LYZL1: variants seen among roughly 807,000 people sequenced by gnomAD.
The protein encoded by LYZL1 is lysozyme-like protein 1.
A neutral mutation model predicts 17.9 loss-of-function variants in LYZL1; 16 were observed. That is an observed-to-expected ratio of 0.90 (90% confidence interval 0.61 to 1.36). The LOEUF (loss-of-function observed/expected upper bound fraction) is 1.36, where lower values mean the gene tolerates loss of function less well. LYZL1 is among the 40% of genes most tolerant of loss of function. The pLI is 0.00. For synonymous variants in LYZL1, 58 were observed against 71.8 expected, an observed-to-expected ratio of 0.81 and a Z score of 0.97; for missense variants, 149 against 188.4, an observed-to-expected ratio of 0.79 and a Z score of 1.22.
intron 4 of LYZL1, among the ~76,000 whole-genome samples, chr10:29,310,704 G>A (rs1198496634): frequency 1.3e-5 from 2 of 152,126 alleles, no homozygotes; most frequent in Non-Finnish European, 2.9e-5. Context: ...GTTGCCAGCC[G>A]GCCCCACTCA....
intron 2 of LYZL1, 120 bp downstream of exon 2, chr10:29,292,126 T>C (rs2479066): frequency 0.53 from 579,622 of 1,100,346 alleles, 139,348 homozygotes; most frequent in Non-Finnish European, 0.55. Context: ...CTCACCGCAC[T>C]CAGGGGTGGC....
intron 3 of LYZL1, among the ~76,000 whole-genome samples, chr10:29,296,593 T>C (rs1164913055): frequency 6.6e-6 from 1 of 152,174 alleles, no homozygotes; most frequent in Non-Finnish European, 1.5e-5. Flanking sequence ...CAACAATCTT[T>C]GAGGTTGAGA....
chr10:29,290,379 A>ATG (rs1268012917), intron 1 of LYZL1, among the ~76,000 whole-genome samples: 9 of 152,270 alleles, frequency 5.9e-5, no homozygotes, highest in East Asian at 1.9e-4. Flanking sequence ...ATGATTCCGC[A>ATG]GGGGTCTCTT....
Position 29,303,196 on chromosome 10 carries a change from C to A in LYZL1, c.299-6914C>A, listed in dbSNP as rs140417597. Among the ~76,000 whole-genome samples, 1,148 of 152,292 alleles carry A rather than the reference C, an allele frequency of 7.5e-3. 15 individuals carry two copies. Among genetic ancestry groups the A allele is most frequent in the African/African-American group, 0.026 (1,064 of 41,568 alleles). ...AATCCCTTTGCAGATTTCTGCTGCTCTTCTTCTGGGTAGCTCCTGCCTCCC... is the reference window on the plus strand; with the variant it reads ...AATCCCTTTGCAGATTTCTGCTGCTATTCTTCTGGGTAGCTCCTGCCTCCC... On this transcript the variant is annotated intron_variant, in intron 3 of 4. Transcript: ENST00000649382.
chr10:29,301,485 T>C (rs935922163), intron 3 of LYZL1, among the ~76,000 whole-genome samples: 5 of 152,196 alleles, frequency 3.3e-5, no homozygotes, highest in African/African-American at 1.2e-4. Flanking sequence ...GTAATCATGC[T>C]CAGCTTCAAA....
At chr10:29,318,029 C>A in intron 4 of LYZL1, 1 of 296,054 alleles carries the variant, frequency 3.4e-6, no homozygotes, top group African/African-American at 2.3e-5. Context: ...TCTAACAGGA[C>A]CTGCAGACAC....
At chr10:29,306,406 C>A (rs1302925513) in intron 3 of LYZL1, among the ~76,000 whole-genome samples, 2 of 146,936 alleles carry the variant, frequency 1.4e-5, no homozygotes, top group Non-Finnish European at 1.5e-5. Flanking sequence ...AAAAATTAGC[C>A]GGGCGTAGTG....
chr10:29,310,171 A>G lies in LYZL1; in HGVS notation c.360A>G (p.Thr120=), dbSNP rs772098398. 4 of 1,609,234 alleles carry G rather than the reference A, an allele frequency of 2.5e-6. No individual in the cohort carries two copies. The highest frequency in any genetic ancestry group is 2.7e-5 in the African/African-American group (2 of 74,950). Residue 120 remains threonine (T), a synonymous_variant, in exon 4 of 5, where the codon ACA becomes ACG. Coordinates refer to ENST00000649382, the MANE Select transcript of LYZL1 (RefSeq NM_032517.6). ...GTGCCAGGAAAATTGTTAAAGAGAC[A>G]CAAGGAATGAACTATTGGTAAGAGT... ...IICARKIVKE[T]QGMNYWQGWK...
Position 29,318,034 on chromosome 10 carries a change from A to G in LYZL1, c.*139-117A>G, listed in dbSNP as rs76388292. The G allele has an allele frequency of 7.0e-3, 2,350 of 333,836 alleles. 49 individuals are homozygous for G. The highest frequency in any genetic ancestry group is 0.048 in the African/African-American group (2,133 of 44,764). 20.7% of individuals were successfully genotyped at this position (333,836 alleles called of 1,614,324 possible). ...ATAGGTGATTTCTAACAGGACCTGC[A>G]GACACTTTGAAAGGATAAACTACAT... On this transcript the variant is annotated intron_variant and NMD_transcript_variant, in intron 4 of 4. Coordinates refer to the LYZL1 transcript ENST00000494304.
In LYZL1 at chr10:29,289,203, G is replaced by C. The variant is rs1354172494; in HGVS notation, c.-53G>C. On this transcript the variant is annotated 5_prime_UTR_variant, in exon 1 of 5. Coordinates refer to ENST00000649382, the MANE Select transcript of LYZL1 (RefSeq NM_032517.6). ...GACTCAACTGAGAAGTCAGCCTCTG[G>C]GGCAGGCACCAGGAATCTGCCTTTT... 5.6e-6 allele frequency: 9 copies of C among 1,593,760 alleles called. No homozygotes were observed. Among genetic ancestry groups the C allele is most frequent in the East Asian group, 2.3e-5 (1 of 44,076 alleles).
At chr10:29,295,098 C>G (rs900282922) in intron 3 of LYZL1, among the ~76,000 whole-genome samples, 10 of 152,204 alleles carry the variant, frequency 6.6e-5, no homozygotes, top group African/African-American at 2.2e-4. Flanking sequence ...GTTTGAATGA[C>G]TGAATAATAT....
chr10:29,309,973 G>A (rs1458125633), intron 3 of LYZL1, 137 bp from the exon 4 acceptor site: 7 of 605,860 alleles, frequency 1.2e-5, no homozygotes, highest in Non-Finnish European at 1.7e-5. Context: ...AAATAAGATT[G>A]TGGCTTTGCA....
chr10:29,292,899 G>C (rs112807826), intron 3 of LYZL1, among the ~76,000 whole-genome samples: 37 of 152,248 alleles, frequency 2.4e-4, no homozygotes, highest in African/African-American at 7.9e-4. Context: ...GTTTTATGAA[G>C]CCCCCACTAA....
intron 3 of LYZL1, 99 bp from the exon 4 acceptor site, chr10:29,310,011 T>C (rs1197532244): frequency 1.2e-6 from 1 of 814,748 alleles, no homozygotes; most frequent in East Asian, 2.6e-5. Context: ...TCCAACCCTC[T>C]TGATCCAAAA....
intron 3 of LYZL1, 142 bp downstream of exon 3, chr10:29,292,819 A>G (rs1173437274): frequency 1.6e-6 from 2 of 1,267,778 alleles, no homozygotes; most frequent in Non-Finnish European, 2.1e-6. Context: ...TAAATTATGC[A>G]ACAGTTTCCA....
At position 29,291,830 on chromosome 10, in the gene LYZL1, G is replaced by A. The variant is rs41290443; in HGVS notation, c.-25-13G>A. On this transcript the variant is annotated splice_polypyrimidine_tract_variant and intron_variant, in intron 1 of 4. Transcript: ENST00000649382. ...ACCAAGATCGTCTGACCTGTTCTCC[G>A]GCTCTTTGGCAGGTTCTGTCTCCGG... The A allele has an allele frequency of 2.5e-5, 36 of 1,457,812 alleles. No individual in the cohort carries two copies. The highest frequency in any genetic ancestry group is 1.3e-4 in the African/African-American group (9 of 68,126). 90.3% of individuals were successfully genotyped at this position (1,457,812 alleles called of 1,614,324 possible). A position where few individuals can be genotyped will look rare whatever the true frequency, so the allele number is the denominator to read the frequency against.
chr10:29,296,762 T>A (rs1420008950), intron 3 of LYZL1, among the ~76,000 whole-genome samples: 1 of 152,182 alleles, frequency 6.6e-6, no homozygotes, highest in South Asian at 2.1e-4. Context: ...TACTAATGAC[T>A]CTGAGTGGGA....
downstream of LYZL1, chr10:29,311,381 A>T (rs1292684563): frequency 2.9e-5 from 16 of 559,270 alleles, no homozygotes; most frequent in Non-Finnish European, 4.0e-5. Flanking sequence ...CTCATTCAAA[A>T]ATAAGACTCC....
exon 5 of LYZL1, chr10:29,318,274 C>A (rs145915305): frequency 1.4e-6 from 1 of 723,982 alleles, no homozygotes; most frequent in African/African-American, 1.9e-5. Flanking sequence ...AAAACGAAAT[C>A]TATACTTGCC....
Sources: allele counts gnomAD v4.1 joint callset (sites outside exome capture counted in the v4.1 genomes callset), GRCh38; gene constraint gnomAD v4.1.1; transcripts MANE v1.5; gene names NCBI Gene and HGNC (gene_info 2026-07-23, HGNC 2026-07-21).